MELK: variants seen among roughly 807,000 people sequenced by gnomAD.
The protein encoded by MELK is maternal embryonic leucine zipper kinase, also known as pEg3 kinase.
A neutral mutation model predicts 85.0 loss-of-function variants in MELK; 81 were observed. The observed-to-expected ratio is 0.95, with a 90% CI of 0.80 to 1.15. The LOEUF is 1.15. MELK is among the 50% of genes most tolerant of loss of function. The probability of loss-of-function intolerance (pLI) is 0.00; values close to 1 mark genes in which losing one functional copy is unlikely to be tolerated. For missense variants in MELK, 754 were observed against 777.5 expected, an observed-to-expected ratio of 0.97 and a Z score of 0.36; for synonymous variants, 252 against 265.0, an observed-to-expected ratio of 0.95 and a Z score of 0.48.
Position 36,599,481 on chromosome 9 carries a change from T to C in MELK, c.562T>C (p.Ser188Pro). 1 of 1,607,030 alleles carries C rather than the reference T, an allele frequency of 6.2e-7. No individual in the cohort carries two copies. The highest frequency in any genetic ancestry group is 1.1e-5 in the South Asian group (1 of 90,910). Residue 188 changes from serine to proline, a missense_variant, in exon 7 of 18, where the codon TCA becomes CCA. Ser to Pro is a moderately conservative substitution (Grantham distance 74). Transcript: ENST00000298048. Reference protein sequence around the residue: ...ELIQGKSYLGSEADVWSMGIL... With the variant: ...ELIQGKSYLGPEADVWSMGIL... ...AATACAAGGCAAATCATATCTTGGATCAGAGGTAATTATTCATTGATTAAT... is the reference window on the plus strand; with the variant it reads ...AATACAAGGCAAATCATATCTTGGACCAGAGGTAATTATTCATTGATTAAT...
chr9:36,581,498 T>A (rs1239824854), intron 1 of MELK, 146 bp from the exon 2 acceptor site: 5 of 499,004 alleles, frequency 1.0e-5, no homozygotes, highest in Non-Finnish European at 1.8e-5. Flanking sequence ...TGGTGTGAGA[T>A]AAGAATCCTT....
intron 5 of MELK, among the ~76,000 whole-genome samples, chr9:36,595,092 A>G (rs1824055659): frequency 6.7e-6 from 1 of 149,712 alleles, no homozygotes; most frequent in Non-Finnish European, 1.5e-5. Context: ...ATGTCCGGCT[A>G]ATTTTTTTAT....
intron 16 of MELK, among the ~76,000 whole-genome samples, chr9:36,672,104 G>A (rs1250279586): frequency 6.6e-6 from 1 of 152,186 alleles, no homozygotes; most frequent in Non-Finnish European, 1.5e-5. Flanking sequence ...AAAATGCTGA[G>A]CTTTTGGGCA....
At chr9:36,579,569 T>A (rs1275758680) in intron 1 of MELK, among the ~76,000 whole-genome samples, 1 of 152,268 alleles carries the variant, frequency 6.6e-6, no homozygotes, top group Non-Finnish European at 1.5e-5. Flanking sequence ...ATTATAGCCC[T>A]AGTGCCAAGG....
chr9:36,583,263 G>A (rs1389695029), intron 2 of MELK, among the ~76,000 whole-genome samples: 3 of 152,022 alleles, frequency 2.0e-5, no homozygotes, highest in South Asian at 2.1e-4. Context: ...GTGAGCCACC[G>A]CGCCCGGCCT....
intron 13 of MELK, among the ~76,000 whole-genome samples, chr9:36,661,690 A>G (rs1288505100): frequency 6.6e-6 from 1 of 152,204 alleles, no homozygotes; most frequent in Non-Finnish European, 1.5e-5. Flanking sequence ...TAATCCCAGC[A>G]CTTTGGGAGG....
At chr9:36,654,701 T>G (rs1831057321) in intron 12 of MELK, among the ~76,000 whole-genome samples, 1 of 152,114 alleles carries the variant, frequency 6.6e-6, no homozygotes. Context: ...TTGATCTGCT[T>G]ATATGAGTTG....
chr9:36,620,014 T>A (rs532277503), intron 8 of MELK, among the ~76,000 whole-genome samples: 1 of 152,342 alleles, frequency 6.6e-6, no homozygotes, highest in East Asian at 1.9e-4. Flanking sequence ...GTGCTCTAAA[T>A]GAGGTGGTTG....
At chr9:36,611,012 A>G (rs998470610) in intron 8 of MELK, among the ~76,000 whole-genome samples, 11 of 152,284 alleles carry the variant, frequency 7.2e-5, no homozygotes, top group Admixed American at 7.2e-4. Flanking sequence ...GCTCAAAGGA[A>G]ATGCTTACTG....
chr9:36,664,635 C>T (rs1388755666), intron 13 of MELK, among the ~76,000 whole-genome samples: 2 of 152,192 alleles, frequency 1.3e-5, no homozygotes, highest in African/African-American at 2.4e-5. Context: ...CACCCTTTTT[C>T]TTGCCTATTC....
intron 1 of MELK, among the ~76,000 whole-genome samples, chr9:36,581,209 AT>A (rs112571055): frequency 6.6e-6 from 1 of 150,866 alleles, no homozygotes; most frequent in Non-Finnish European, 1.5e-5. Flanking sequence ...TTTTATTTTT[AT>A]TTTTTTTATA....
rs140888491 is a variant in MELK, at chr9:36,657,506, C to T, written c.1176+143C>T. The T allele has an allele frequency of 4.5e-4, 396 of 880,644 alleles. 1 individual carries two copies. The African/African-American group carries it at 6.1e-3, about 13-fold the overall frequency. 54.6% of individuals were successfully genotyped at this position (880,644 alleles called of 1,614,324 possible). On this transcript the variant is annotated intron_variant, in intron 13 of 17. Transcript: ENST00000298048. ...ATGTTTATGAGCGATAACTGGAATA[C>T]GAATGAAAGGGAAGTCAATTATATC...
At chr9:36,619,866 A>AGT (rs1827228242) in intron 8 of MELK, among the ~76,000 whole-genome samples, 1 of 152,058 alleles carries the variant, frequency 6.6e-6, no homozygotes, top group African/African-American at 2.4e-5. Context: ...AGCTTTCTGA[A>AGT]GTGTGTGTGT....
chr9:36,639,870 T>A (rs991488963), intron 10 of MELK, among the ~76,000 whole-genome samples: 1 of 152,194 alleles, frequency 6.6e-6, no homozygotes, highest in African/African-American at 2.4e-5. Context: ...ATTTTTTTTT[T>A]ACACTTAAGA....
At position 36,651,840 on chromosome 9, in the gene MELK, G is replaced by C; in HGVS notation, c.1016G>C (p.Cys339Ser). The C allele has an allele frequency of 6.2e-7, 1 of 1,613,900 alleles. No homozygotes were observed. Among genetic ancestry groups the C allele is most frequent in the Non-Finnish European group, 8.5e-7 (1 of 1,179,940 alleles). The change falls in exon 12 of 18, where the codon TGT becomes TCT. Residue 339 changes from cysteine (C) to serine (S), a missense_variant. By Grantham distance (112) the Cys-to-Ser change is moderately radical. Coordinates refer to ENST00000298048, the MANE Select transcript of MELK (RefSeq NM_014791.4). ...PVRLRLSSFS[C>S]GQASATPFTD... ...CGTTTAAGGCTTTCTTCTTTCTCCT[G>C]TGGACAAGCCAGTGCTACCCCATTC...
At chr9:36,633,265 A>C in intron 10 of MELK, 65 bp downstream of exon 10, 1 of 1,096,856 alleles carries the variant, frequency 9.1e-7, no homozygotes, top group Non-Finnish European at 1.4e-6. Flanking sequence ...TGAATTCAGA[A>C]CCTACAATGA....
Position 36,676,897 on chromosome 9 carries a change from CAG to C in MELK, c.1779-262_1779-261del, listed in dbSNP as rs574358672. On this transcript the variant is annotated intron_variant, in intron 17 of 17. Coordinates refer to ENST00000298048, the MANE Select transcript of MELK (RefSeq NM_014791.4). ...ATGAATGGCATGTATAGCTATGAAA[CAG>C]GGGCTTTTCTTTGGAGCAAGGGAGA... Among the ~76,000 whole-genome samples the C allele has an allele frequency of 5.5e-4, 83 of 152,278 alleles. 1 individual carries two copies. The highest frequency in any genetic ancestry group is 1.8e-3 in the African/African-American group (74 of 41,562).
intron 11 of MELK, among the ~76,000 whole-genome samples, chr9:36,648,556 C>T (rs1830425244): frequency 6.6e-6 from 1 of 152,196 alleles, no homozygotes; most frequent in Non-Finnish European, 1.5e-5. Context: ...ATGAACAATT[C>T]TGAAATGGAT....
In MELK at chr9:36,666,473, A is replaced by G. The variant is rs542248259; in HGVS notation, c.1408+892A>G. On this transcript the variant is annotated intron_variant, in intron 14 of 17. Coordinates refer to ENST00000298048, the MANE Select transcript of MELK (RefSeq NM_014791.4). The stretch of plus-strand genomic sequence containing the variant: ...CCATATTTATGTAATGAATTAATAA[A>G]TTAGAGCCCAAAGGAATTTTATTTA... Among the ~76,000 whole-genome samples the G allele has an allele frequency of 1.4e-4, 22 of 152,344 alleles. No homozygotes were observed. In the South Asian group the frequency reaches 3.7e-3, roughly 26 times the overall value.
Sources: gnomAD v4.1 joint callset for allele counts (sites outside exome capture counted in the v4.1 genomes callset) on GRCh38, gnomAD v4.1.1 for gene constraint, MANE v1.5 for transcripts, NCBI Gene and HGNC (gene_info 2026-07-23, HGNC 2026-07-21) for gene names.